Variants in TSPEAR observed in about 807,000 individuals in gnomAD.
The protein encoded by TSPEAR is thrombospondin type laminin G domain and EAR repeats, also known as thrombospondin-type laminin G domain and EAR repeat-containing protein.
Under a neutral mutation model 71.6 loss-of-function variants are expected in TSPEAR, and 69 were observed. The observed-to-expected ratio is 0.96, with a 90% CI of 0.79 to 1.18. The LOEUF is 1.18. TSPEAR is among the 50% of genes most tolerant of loss of function. The pLI, the probability that TSPEAR is intolerant of heterozygous loss-of-function variation, is 0.00. For synonymous variants in TSPEAR, 402 were observed against 387.2 expected (o/e 1.04, Z -0.45); for missense variants, 971 against 894.9 (o/e 1.09, Z -1.09).
chr21:44,699,647 G>A (rs1249147813), intron 1 of TSPEAR, among the ~76,000 whole-genome samples: 6 of 152,158 alleles, frequency 3.9e-5, no homozygotes, highest in Non-Finnish European at 7.4e-5. Context: ...CTGTAACGCC[G>A]TCTCCCTGGG....
Position 44,710,414 on chromosome 21 carries a change from C to A in TSPEAR, c.82+1019G>T, listed in dbSNP as rs187247142. 8.2e-4 allele frequency among the ~76,000 whole-genome samples: 107 copies of A among 130,910 alleles called. 5 individuals are homozygous for A. The East Asian group carries it at 0.016, about 20-fold the overall frequency. The allele number at this position is 130,910 out of a possible 152,430, so 85.9% of individuals were successfully genotyped here. ...CCTGGGTGGGCAGGCACGTTTATGA[C>A]CCCCACCCCCACCCCCACCCCCCAC... On this transcript the variant is annotated intron_variant, in intron 1 of 11. Transcript: ENST00000323084. This position sits in a 1 kb window ranked among gnomAD's most constrained non-coding sequence, Gnocchi z 4.6.
chr21:44,575,929 A>G (rs1481148151), intron 1 of TSPEAR, among the ~76,000 whole-genome samples: 1 of 152,174 alleles, frequency 6.6e-6, no homozygotes, highest in African/African-American at 2.4e-5. Flanking sequence ...TTCCAAATGG[A>G]GTGGCAAGAA....
intron 1 of TSPEAR, among the ~76,000 whole-genome samples, chr21:44,571,713 C>T (rs1279063619): frequency 3.9e-5 from 6 of 152,118 alleles, no homozygotes; most frequent in African/African-American, 7.2e-5. Flanking sequence ...ACTTGAGGGC[C>T]GAAGTTGGAA....
intron 6 of TSPEAR, 24 bp downstream of exon 6, chr21:44,528,428 G>A (rs782094533): frequency 4.4e-5 from 71 of 1,612,968 alleles, no homozygotes; most frequent in Middle Eastern, 1.7e-4. Context: ...GCATGCCAAC[G>A]CCCCGGGTGC....
intron 1 of TSPEAR, among the ~76,000 whole-genome samples, chr21:44,587,347 C>T (rs587612890): frequency 3.4e-4 from 52 of 152,326 alleles, no homozygotes; most frequent in African/African-American, 1.2e-3. Flanking sequence ...TGAAAGACCT[C>T]TACAAGGAAA....
chr21:44,532,613 A>G (rs1416808369), intron 3 of TSPEAR, among the ~76,000 whole-genome samples: 1 of 152,264 alleles, frequency 6.6e-6, no homozygotes, highest in East Asian at 1.9e-4. Flanking sequence ...CCTACCTTTG[A>G]AAGTAATATT....
intron 9 of TSPEAR, among the ~76,000 whole-genome samples, chr21:44,511,968 C>T (rs1351063148): frequency 2.6e-5 from 4 of 151,748 alleles, no homozygotes; most frequent in African/African-American, 4.9e-5. Flanking sequence ...CGGGCTGCTG[C>T]AGATGGGGGA....
intron 2 of TSPEAR, among the ~76,000 whole-genome samples, chr21:44,540,835 C>A (rs965909506): frequency 6.6e-6 from 1 of 152,176 alleles, no homozygotes; most frequent in African/African-American, 2.4e-5. Flanking sequence ...GGTGTGGGAA[C>A]GCTGGGGATA....
At chr21:44,627,405 G>A (rs62220925) in intron 1 of TSPEAR, 121,863 of 1,613,768 alleles carry the variant, frequency 0.076, 7,840 homozygotes, top group African/African-American at 0.33. Context: ...GCACGCCCTC[G>A]TGCTGCCAGC....
chr21:44,529,045 T>C (rs1312891433), intron 5 of TSPEAR, among the ~76,000 whole-genome samples: 4 of 152,206 alleles, frequency 2.6e-5, no homozygotes, highest in African/African-American at 9.6e-5. Flanking sequence ...CTTGACTCTA[T>C]GTGGGACATC....
intron 1 of TSPEAR, among the ~76,000 whole-genome samples, chr21:44,684,983 T>G (rs1555948718): frequency 6.6e-6 from 1 of 152,186 alleles, no homozygotes; most frequent in Admixed American, 6.5e-5. Flanking sequence ...GCTGAACTTG[T>G]GGCCTCGCCC....
intron 1 of TSPEAR, chr21:44,658,195 T>G (rs782294214): frequency 1.2e-6 from 2 of 1,614,060 alleles, no homozygotes; most frequent in East Asian, 2.2e-5. Context: ...CTTGCCAATC[T>G]TCGGGGTGCT....
Position 44,612,453 on chromosome 21 carries a change from GCTGTGTGC to G in TSPEAR, c.83-44456_83-44449del, listed in dbSNP as rs1299680708. On this transcript the variant is annotated intron_variant, in intron 1 of 11. Transcript: ENST00000323084. This position sits in a 1 kb window ranked among gnomAD's most constrained non-coding sequence, Gnocchi z 4.1. ...ACCTCCTCCCCCTGCCAACAGGCCT[GCTGTGTGC>G]CTGTGTGCTGCAAGTCCAACTGCTG... 1.2e-6 allele frequency: 2 copies of G among 1,612,146 alleles called. No individual in the cohort carries two copies. Among genetic ancestry groups the G allele is most frequent in the Non-Finnish European group, 1.7e-6 (2 of 1,179,518 alleles).
At chr21:44,632,621 G>T (rs1174343484) in intron 1 of TSPEAR, among the ~76,000 whole-genome samples, 2 of 152,186 alleles carry the variant, frequency 1.3e-5, no homozygotes, top group African/African-American at 4.8e-5. Flanking sequence ...AGATCAGAAG[G>T]TCAAGGGTTT....
intron 1 of TSPEAR, among the ~76,000 whole-genome samples, chr21:44,592,777 G>A (rs1338124895): frequency 6.6e-6 from 1 of 152,158 alleles, no homozygotes; most frequent in Non-Finnish European, 1.5e-5. Flanking sequence ...ACAGGTCGCG[G>A]CATCGTCCAC....
chr21:44,697,310 T>C, intron 1 of TSPEAR: 9 of 1,613,666 alleles, frequency 5.6e-6, no homozygotes, highest in Non-Finnish European at 6.8e-6. Flanking sequence ...AGAGAGCTGC[T>C]GTGAGCCCCC....
Position 44,506,068 on chromosome 21 carries a change from C to G in TSPEAR, c.1755-1187G>C, listed in dbSNP as rs1555911882. Among the ~76,000 whole-genome samples the G allele has an allele frequency of 1.3e-5, 2 of 152,216 alleles. No homozygotes were observed. Among genetic ancestry groups the G allele is most frequent in the Non-Finnish European group, 2.9e-5 (2 of 68,044 alleles). On this transcript the variant is annotated intron_variant, in intron 10 of 11. Transcript: ENST00000323084. This position sits in a 1 kb window ranked among gnomAD's most constrained non-coding sequence, Gnocchi z 4.2. Reference sequence around the variant, plus strand: ...TGTGAGGTCAGCGGCCGTGAGGTCACTCCAGGAGGTGCCTACAGGACCTGC... The same window carrying G: ...TGTGAGGTCAGCGGCCGTGAGGTCAGTCCAGGAGGTGCCTACAGGACCTGC...
intron 2 of TSPEAR, 82 bp from the exon 3 acceptor site, chr21:44,534,005 T>G (rs2053031992): frequency 2.0e-6 from 2 of 1,008,532 alleles, no homozygotes; most frequent in Non-Finnish European, 2.9e-6. Context: ...ATGGCAGAGG[T>G]GATGAGCACA....
At chr21:44,509,035 G>A (rs1443807756) in intron 10 of TSPEAR, 164 bp downstream of exon 10, 15 of 1,408,032 alleles carry the variant, frequency 1.1e-5, no homozygotes, top group Non-Finnish European at 1.4e-5. Context: ...AAGTCCCCAG[G>A]CCATTCTTTC....
Sources: allele counts gnomAD v4.1 joint callset (sites outside exome capture counted in the v4.1 genomes callset), GRCh38; gene constraint gnomAD v4.1.1; non-coding constraint Gnocchi (gnomAD v3.1); transcripts MANE v1.5; gene names NCBI Gene and HGNC (gene_info 2026-07-23, HGNC 2026-07-21).